Variants in CASR observed in about 807,000 individuals in gnomAD.
CASR encodes the protein extracellular calcium-sensing receptor.
Under a neutral mutation model 69.1 loss-of-function variants are expected in CASR, and 23 were observed. That is an observed-to-expected ratio of 0.33 (90% confidence interval 0.24 to 0.47). CASR has a LOEUF of 0.47. Ranked by LOEUF, CASR falls within the 20% of genes least tolerant of loss-of-function variation. The pLI, the probability that CASR is intolerant of heterozygous loss-of-function variation, is 1.00. For missense variants in CASR, 924 were observed against 1,356.1 expected (o/e 0.68, Z 5.00); for synonymous variants, 541 against 544.7 (o/e 0.99, Z 0.10).
chr3:122,262,315 T>C lies in CASR; in HGVS notation c.1280T>C (p.Ile427Thr), dbSNP rs1553766906. ...SYNVYLAVYS[I>T]AHALQDIYTC... ...AATGTGTACTTAGCAGTCTACTCCATTGCCCACGCCTTGCAAGATATATAT... is the reference window on the plus strand; with the variant it reads ...AATGTGTACTTAGCAGTCTACTCCACTGCCCACGCCTTGCAAGATATATAT... The change falls in exon 4 of 7, where the codon ATT becomes ACT. Residue 427 changes from isoleucine to threonine, a missense_variant. By Grantham distance (89) the Ile-to-Thr change is moderately conservative (BLOSUM62 -1). Transcript: ENST00000639785. 6.2e-7 allele frequency: 1 copy of C among 1,614,142 alleles called. No homozygotes were observed. Among genetic ancestry groups the C allele is most frequent in the Non-Finnish European group, 8.5e-7 (1 of 1,179,982 alleles).
At chr3:122,252,461 AAG>A (rs1475861157) in intron 1 of CASR, among the ~76,000 whole-genome samples, 2 of 111,114 alleles carry the variant, frequency 1.8e-5, no homozygotes, top group Non-Finnish European at 3.8e-5. Flanking sequence ...AAAGAAAAGA[AAG>A]AAAAGAAAAG....
At chr3:122,256,524 T>C (rs1483223674) in intron 2 of CASR, among the ~76,000 whole-genome samples, 1 of 152,266 alleles carries the variant, frequency 6.6e-6, no homozygotes, top group Non-Finnish European at 1.5e-5. Flanking sequence ...TCTGTCTCTG[T>C]GTGAGGCACC....
intron 1 of CASR, among the ~76,000 whole-genome samples, chr3:122,207,973 C>T (rs35554151): frequency 0.16 from 23,631 of 151,936 alleles, 1,872 homozygotes; most frequent in Non-Finnish European, 0.17. Context: ...GTATTGCAGT[C>T]TATCTCTCCC....
At chr3:122,266,228 A>G (rs1478957650) in intron 4 of CASR, among the ~76,000 whole-genome samples, 2 of 145,354 alleles carry the variant, frequency 1.4e-5, no homozygotes, top group East Asian at 1.9e-4. Flanking sequence ...TTGACTTTAA[A>G]ATCTTTTAGG....
intron 5 of CASR, among the ~76,000 whole-genome samples, chr3:122,277,909 C>G (rs1296690994): frequency 6.6e-6 from 1 of 152,188 alleles, no homozygotes; most frequent in Admixed American, 6.5e-5. Context: ...AATTCAGTCA[C>G]TTATGTTCTT....
chr3:122,201,907 C>G (rs1406518884), intron 1 of CASR, among the ~76,000 whole-genome samples: 1 of 151,224 alleles, frequency 6.6e-6, no homozygotes, highest in Non-Finnish European at 1.5e-5. Context: ...GGATGGCGGC[C>G]GGGCAGAGAC....
intron 1 of CASR, chr3:122,247,490 C>A (rs191642879): frequency 2.6e-5 from 4 of 152,296 alleles, no homozygotes; most frequent in Admixed American, 2.6e-4. Flanking sequence ...TTCAAATGAA[C>A]CATTTCATTA....
intron 4 of CASR, among the ~76,000 whole-genome samples, chr3:122,273,788 C>A (rs2074785385): frequency 6.6e-6 from 1 of 151,768 alleles, no homozygotes; most frequent in South Asian, 2.1e-4. Context: ...GGAGTGAGGG[C>A]AGTATTAAAG....
rs139103083 is a variant in CASR, at chr3:122,230,486, A to G, written c.-242-23462A>G. Among the ~76,000 whole-genome samples the G allele has an allele frequency of 6.1e-4, 93 of 152,326 alleles. 2 individuals are homozygous for G. Among genetic ancestry groups the G allele is most frequent in the African/African-American group, 2.1e-3 (89 of 41,576 alleles). ...CGGGGATGCTGCTGACCGTGGAGAA[A>G]GCAACCTCCTTCCCTGAGGGGCTTC... On this transcript the variant is annotated intron_variant, in intron 1 of 6. Transcript: ENST00000639785.
intron 1 of CASR, among the ~76,000 whole-genome samples, chr3:122,237,056 G>T (rs1472319732): frequency 1.3e-5 from 2 of 150,268 alleles, no homozygotes; most frequent in Non-Finnish European, 3.0e-5. Context: ...CTGGAGGCTT[G>T]TTATTTTGGG....
chr3:122,220,478 A>G (rs535836821), intron 1 of CASR, among the ~76,000 whole-genome samples: 2 of 152,392 alleles, frequency 1.3e-5, no homozygotes, highest in East Asian at 1.9e-4. Flanking sequence ...GCTGTATGTC[A>G]TTACCAGCAT....
intron 1 of CASR, chr3:122,184,355 G>A: frequency 6.5e-6 from 1 of 152,970 alleles, no homozygotes; most frequent in South Asian, 2.0e-4. Flanking sequence ...GGCCGGACCC[G>A]AAGGCGGGCG....
intron 4 of CASR, among the ~76,000 whole-genome samples, chr3:122,271,379 G>T (rs1327655753): frequency 6.6e-6 from 1 of 152,128 alleles, no homozygotes; most frequent in Non-Finnish European, 1.5e-5. Context: ...CTCCAGATAA[G>T]ATGTTTACAT....
chr3:122,272,257 G>T (rs1387470276), intron 4 of CASR, among the ~76,000 whole-genome samples: 1 of 152,146 alleles, frequency 6.6e-6, no homozygotes, highest in African/African-American at 2.4e-5. Flanking sequence ...AGTTCTCTAC[G>T]TTTCAATCAG....
At position 122,284,909 on chromosome 3, in the gene CASR, C is replaced by T. The variant is rs199884115; in HGVS notation, c.2955C>T (p.Asn985=). 4.2e-5 allele frequency: 67 copies of T among 1,614,062 alleles called. No individual in the cohort carries two copies. Among genetic ancestry groups the T allele is most frequent in the Middle Eastern group, 1.6e-4 (1 of 6,084 alleles). The stretch of plus-strand genomic sequence containing the variant: ...TGAGCTTTGATGAGCCTCAGAAGAA[C>T]GCCATGGCCCACAGGAATTCTACGC... ...FSLSFDEPQK[N]AMAHRNSTHQ... is the part of the protein sequence containing the mutation. Residue 985 remains asparagine (N), a synonymous_variant, in exon 7 of 7, where the codon AAC becomes AAT. Coordinates refer to ENST00000639785, the MANE Select transcript of CASR (RefSeq NM_000388.4).
intron 4 of CASR, among the ~76,000 whole-genome samples, chr3:122,266,558 A>G (rs775961622): frequency 6.6e-5 from 10 of 150,952 alleles, no homozygotes; most frequent in Admixed American, 1.3e-4. Context: ...GGATCTTTCT[A>G]CTAGCTTTTT....
At chr3:122,238,896 A>G (rs921978127) in intron 1 of CASR, among the ~76,000 whole-genome samples, 1 of 152,102 alleles carries the variant, frequency 6.6e-6, no homozygotes, top group Non-Finnish European at 1.5e-5. Context: ...CTGACTAAAG[A>G]GCTCTTGGGC....
At position 122,284,556 on chromosome 3, in the gene CASR, A is replaced by G; in HGVS notation, c.2602A>G (p.Thr868Ala). 1.9e-6 allele frequency: 3 copies of G among 1,614,048 alleles called. No individual in the cohort carries two copies. The highest frequency in any genetic ancestry group is 2.5e-6 in the Non-Finnish European group (3 of 1,180,030). Residue 868 changes from threonine (T) to alanine (A), a missense_variant, in exon 7 of 7, where the codon ACC becomes GCC. This residue lies in a region of CASR where 42 missense variants were observed against 73.2 expected (regional missense o/e 0.57). Transcript: ENST00000639785. ...YIILFKPSRN[T>A]IEEVRCSTAA... is the part of the protein sequence containing the mutation. The stretch of plus-strand genomic sequence containing the variant: ...CATTCTCTTCAAGCCATCCCGCAAC[A>G]CCATCGAGGAGGTGCGTTGCAGCAC...
intron 1 of CASR, among the ~76,000 whole-genome samples, chr3:122,252,507 GAGAGAGAA>G (rs1199339011): frequency 8.3e-4 from 63 of 75,746 alleles, no homozygotes; most frequent in Admixed American, 4.0e-3. Flanking sequence ...GGGAAAGAGA[GAGAGAGAA>G]AGAAAGAAGG....
Sources: allele counts gnomAD v4.1 joint callset (sites outside exome capture counted in the v4.1 genomes callset), GRCh38; gene constraint gnomAD v4.1.1; regional missense constraint gnomAD v4.1.1; transcripts MANE v1.5; gene names NCBI Gene and HGNC (gene_info 2026-07-23, HGNC 2026-07-21).